PPL: variants seen among roughly 807,000 people sequenced by gnomAD.
PPL encodes periplakin, also known as 190 kDa paraneoplastic pemphigus antigen.
Under a neutral mutation model 194.4 loss-of-function variants are expected in PPL, and 198 were observed. The observed-to-expected ratio is 1.02, with a 90% CI of 0.91 to 1.15. The LOEUF is 1.15. PPL is among the 50% of genes most tolerant of loss of function. The pLI is 0.00. For synonymous variants in PPL, 1,220 were observed against 972.4 expected, an observed-to-expected ratio of 1.25 and a Z score of -4.74; for missense variants, 2,885 against 2,294.8, an observed-to-expected ratio of 1.26 and a Z score of -5.25.
At position 4,888,179 on chromosome 16, in the gene PPL, C is replaced by T. The variant is rs370052235; in HGVS notation, c.2437G>A (p.Asp813Asn). 2.4e-5 allele frequency: 39 copies of T among 1,613,526 alleles called. No homozygotes were observed. Among genetic ancestry groups the T allele is most frequent in the East Asian group, 6.7e-5 (3 of 44,882 alleles). The change falls in exon 20 of 22, where the codon GAC (aspartate) becomes AAC (asparagine). Residue 813 changes from aspartate to asparagine, a missense_variant. Coordinates refer to ENST00000345988, the MANE Select transcript of PPL (RefSeq NM_002705.5). ...LEAEKLRSLL[D>N]LENGRRSHVS... is the part of the protein sequence containing the mutation. ...TGGCTTCTCCTTCCATTCTCCAAGTCGAGAAGAGACCTTAGTTTTTCTGCT... is the reference window on the plus strand; with the variant it reads ...TGGCTTCTCCTTCCATTCTCCAAGTTGAGAAGAGACCTTAGTTTTTCTGCT...
chr16:4,912,164 T>TA (rs2088831844), intron 1 of PPL, among the ~76,000 whole-genome samples: 2 of 152,334 alleles, frequency 1.3e-5, no homozygotes, highest in Middle Eastern at 3.4e-3. Flanking sequence ...ATTCCAGACA[T>TA]TTTTATCACC....
intron 19 of PPL, 145 bp downstream of exon 19, chr16:4,888,833 G>T: frequency 1.3e-6 from 1 of 755,634 alleles, no homozygotes; most frequent in Non-Finnish European, 2.4e-6. Flanking sequence ...AAAAGCCTGT[G>T]CCAGTTTGCA....
At chr16:4,910,411 G>A (rs1425598004) in intron 2 of PPL, among the ~76,000 whole-genome samples, 1 of 152,174 alleles carries the variant, frequency 6.6e-6, no homozygotes, top group Non-Finnish European at 1.5e-5. Context: ...CTCGTTCATG[G>A]GGAGGTGGGA....
chr16:4,926,731 T>A (rs1350238821), intron 1 of PPL, among the ~76,000 whole-genome samples: 1 of 151,724 alleles, frequency 6.6e-6, no homozygotes, highest in Non-Finnish European at 1.5e-5. Flanking sequence ...AAAACAAAAA[T>A]AGCCGGGCGT....
At chr16:4,890,581 G>T in intron 17 of PPL, 147 bp downstream of exon 17, 2 of 1,109,178 alleles carry the variant, frequency 1.8e-6, no homozygotes, top group Admixed American at 2.9e-5. Context: ...TGACTCAAAA[G>T]AGAGACCACA....
intron 18 of PPL, among the ~76,000 whole-genome samples, chr16:4,889,644 C>G (rs368995042): frequency 3.3e-5 from 5 of 152,138 alleles, no homozygotes; most frequent in South Asian, 2.1e-4. Context: ...TTTGGACCAC[C>G]AGACACTGTT....
intron 1 of PPL, among the ~76,000 whole-genome samples, chr16:4,922,121 C>T (rs530161429): frequency 3.9e-5 from 6 of 152,166 alleles, no homozygotes; most frequent in African/African-American, 1.2e-4. Context: ...GGTTAAGCAC[C>T]CAGACCAAAG....
chr16:4,885,861 C>G lies in PPL; in HGVS notation c.2794G>C (p.Val932Leu), dbSNP rs763550417. 9 of 1,608,272 alleles carry G rather than the reference C, an allele frequency of 5.6e-6. No individual in the cohort carries two copies. In the East Asian group the frequency reaches 1.6e-4, roughly 28 times the overall value. Residue 932 changes from valine (V) to leucine (L), a missense_variant, in exon 22 of 22, where the codon GTG becomes CTG. By Grantham distance (32) the Val-to-Leu change is conservative. Coordinates refer to ENST00000345988, the MANE Select transcript of PPL (RefSeq NM_002705.5). The surrounding 1 kb of genome is among the most constrained non-coding windows in gnomAD (Gnocchi z 6.3). ...TLRNQGPQES[V>L]VRKEVLKKVP... ...TTCTTGAGCACCTCCTTCCTCACCACCGATTCCTGAGGCCCCTGATTCCTC... is the reference window on the plus strand; with the variant it reads ...TTCTTGAGCACCTCCTTCCTCACCAGCGATTCCTGAGGCCCCTGATTCCTC...
At chr16:4,911,156 CTT>C (rs34229581) in intron 1 of PPL, among the ~76,000 whole-genome samples, 1,984 of 85,908 alleles carry the variant, frequency 0.023, 17 homozygotes, top group Middle Eastern at 0.036. Flanking sequence ...GGTCAGCCTC[CTT>C]TTTTTTTTTT....
chr16:4,895,711 G>T lies in PPL; in HGVS notation c.978C>A (p.His326Gln). 1 of 1,613,902 alleles carries T rather than the reference G, an allele frequency of 6.2e-7. No individual in the cohort carries two copies. Among genetic ancestry groups the T allele is most frequent in the Non-Finnish European group, 8.5e-7 (1 of 1,180,030 alleles). Residue 326 changes from histidine to glutamine, a missense_variant, in exon 10 of 22, where the codon CAC (histidine) becomes CAA (glutamine). Coordinates refer to ENST00000345988, the MANE Select transcript of PPL (RefSeq NM_002705.5). ...GCTCCTGAGCGTCCTTCACGTCTTC[G>T]TGAAACTAGGGGAGAAGGTGGCTCT... is the stretch of plus-strand genomic sequence containing the variant. ...LKYMEDYHQF[H>Q]EDVKDAQELL...
chr16:4,925,801 G>C (rs949532491), intron 1 of PPL, among the ~76,000 whole-genome samples: 1 of 152,128 alleles, frequency 6.6e-6, no homozygotes, highest in Non-Finnish European at 1.5e-5. Context: ...AGTACAAAGG[G>C]GACATCAGTA....
In PPL at chr16:4,902,388, G is replaced by T. The variant is rs146686503; in HGVS notation, c.438+18C>A. 1.2e-6 allele frequency: 2 copies of T among 1,612,594 alleles called. No homozygotes were observed. Among genetic ancestry groups the T allele is most frequent in the Non-Finnish European group, 1.7e-6 (2 of 1,179,306 alleles). Reference sequence around the variant, plus strand: ...CCCAGCTGAAACCCTGGAGCCAGCGGCCCCGTCCAGGCCATACCAGCTTCT... The same window carrying T: ...CCCAGCTGAAACCCTGGAGCCAGCGTCCCCGTCCAGGCCATACCAGCTTCT... On this transcript the variant is annotated intron_variant, in intron 4 of 21. Transcript: ENST00000345988. The surrounding 1 kb of genome is among the most constrained non-coding windows in gnomAD (Gnocchi z 4.0).
At chr16:4,929,142 T>TA in intron 1 of PPL, among the ~76,000 whole-genome samples, 1 of 150,266 alleles carries the variant, frequency 6.7e-6, no homozygotes, top group African/African-American at 2.4e-5. Flanking sequence ...GTAATAATCA[T>TA]AATTTAGGGT....
chr16:4,904,665 G>A (rs1358181830), intron 2 of PPL, among the ~76,000 whole-genome samples: 2 of 152,180 alleles, frequency 1.3e-5, no homozygotes, highest in African/African-American at 4.8e-5. Context: ...TCTGTGGATA[G>A]GGAGGAAACA....
intron 1 of PPL, among the ~76,000 whole-genome samples, chr16:4,936,208 G>A (rs994957329): frequency 6.6e-6 from 1 of 152,202 alleles, no homozygotes; most frequent in Non-Finnish European, 1.5e-5. Flanking sequence ...CCAGTTTCGG[G>A]GCTGGGGTGG....
At chr16:4,911,156 C>CTTTTTTTTTT (rs34229581) in intron 1 of PPL, among the ~76,000 whole-genome samples, 1 of 85,888 alleles carries the variant, frequency 1.2e-5, no homozygotes, top group Non-Finnish European at 2.2e-5. Flanking sequence ...GGTCAGCCTC[C>CTTTTTTTTTT]TTTTTTTTTT....
chr16:4,913,082 T>C (rs1356105005), intron 1 of PPL, among the ~76,000 whole-genome samples: 1 of 149,966 alleles, frequency 6.7e-6, no homozygotes, highest in Admixed American at 6.7e-5. Context: ...CCAGCCTGGG[T>C]AACAGAGCGA....
chr16:4,931,132 G>C (rs1345671022), intron 1 of PPL, among the ~76,000 whole-genome samples: 1 of 152,180 alleles, frequency 6.6e-6, no homozygotes. Flanking sequence ...GGGAGGCTAA[G>C]GCAAGAGGCT....
chr16:4,933,868 C>G (rs1290145630), intron 1 of PPL, among the ~76,000 whole-genome samples: 1 of 152,260 alleles, frequency 6.6e-6, no homozygotes, highest in African/African-American at 2.4e-5. Flanking sequence ...CCTGGGTACA[C>G]CACAGCTAGC....
Sources: gnomAD v4.1 joint callset for allele counts (sites outside exome capture counted in the v4.1 genomes callset) on GRCh38, gnomAD v4.1.1 for gene constraint, Gnocchi (gnomAD v3.1) non-coding constraint, MANE v1.5 for transcripts, NCBI Gene and HGNC (gene_info 2026-07-23, HGNC 2026-07-21) for gene names.